Variants in IL18R1 observed in about 807,000 individuals in gnomAD.
IL18R1 encodes the protein interleukin 18 receptor 1, also known as interleukin-18 receptor 1.
In IL18R1, 40 loss-of-function variants were observed where a neutral mutation model predicts 48.5. That is an observed-to-expected ratio of 0.82 (90% CI 0.64 to 1.07). IL18R1 has a LOEUF of 1.07. IL18R1 is among the 50% of genes least tolerant of loss of function. The probability of loss-of-function intolerance (pLI) is 0.00; values close to 1 mark genes in which losing one functional copy is unlikely to be tolerated. For synonymous variants in IL18R1, 232 were observed against 225.9 expected, an observed-to-expected ratio of 1.03 and a Z score of -0.24; for missense variants, 596 against 633.7, an observed-to-expected ratio of 0.94 and a Z score of 0.64.
intron 8 of IL18R1, among the ~76,000 whole-genome samples, chr2:102,389,071 T>C (rs562272478): frequency 6.6e-6 from 1 of 152,272 alleles, no homozygotes; most frequent in Non-Finnish European, 1.5e-5. Context: ...AGGTTACACA[T>C]TTATATAAAT....
chr2:102,363,672 T>C (rs1193061691), intron 2 of IL18R1, among the ~76,000 whole-genome samples: 1 of 149,614 alleles, frequency 6.7e-6, no homozygotes, highest in Admixed American at 6.6e-5. Flanking sequence ...GAAACAGCCA[T>C]GCAGCCAGTT....
rs148603039 is a variant in IL18R1 at position 102,357,962 on chromosome 2, G to C, written c.-29+1562G>C. Among the ~76,000 whole-genome samples the C allele has an allele frequency of 1.3e-3, 203 of 152,020 alleles. 1 individual carries two copies. Among genetic ancestry groups the C allele is most frequent in the Non-Finnish European group, 2.1e-3 (142 of 67,980 alleles). ...GTTGTTTTATCATCTCACAGGCTGA[G>C]TAAAACGACTATGCATGGAACACTG... On this transcript the variant is annotated intron_variant, in intron 1 of 10. Coordinates refer to ENST00000233957, the MANE Select transcript of IL18R1 (RefSeq NM_003855.5).
chr2:102,397,372 G>A lies in IL18R1; in HGVS notation c.*486G>A, dbSNP rs1341438641. On this transcript the variant is annotated 3_prime_UTR_variant, in exon 11 of 11. Coordinates refer to ENST00000233957, the MANE Select transcript of IL18R1 (RefSeq NM_003855.5). Reference sequence around the variant, plus strand: ...AACACCATGGATCTGGTTGTGCATAGGATGTGGGAGGAGGGGCTGGCAGGG... The same window carrying A: ...AACACCATGGATCTGGTTGTGCATAAGATGTGGGAGGAGGGGCTGGCAGGG... 6.5e-6 allele frequency: 1 copy of A among 153,812 alleles called. No individual in the cohort carries two copies. The highest frequency in any genetic ancestry group is 1.9e-4 in the East Asian group (1 of 5,336). The allele number at this position is 153,812 out of a possible 1,614,324, so 9.5% of individuals were successfully genotyped here.
At position 102,397,590 on chromosome 2, in the gene IL18R1, A is replaced by C. The variant is rs180892435; in HGVS notation, c.*704A>C. On this transcript the variant is annotated 3_prime_UTR_variant, in exon 11 of 11. Coordinates refer to ENST00000233957, the MANE Select transcript of IL18R1 (RefSeq NM_003855.5). ...TCTTTCACAAGAGACACAAATTCTAATTGAGTTAATTATCTGGGCCTTTCA... is the reference window on the plus strand; with the variant it reads ...TCTTTCACAAGAGACACAAATTCTACTTGAGTTAATTATCTGGGCCTTTCA... 15 of 152,478 alleles carry C rather than the reference A, an allele frequency of 9.8e-5. No homozygotes were observed. The highest frequency in any genetic ancestry group is 3.6e-4 in the African/African-American group (15 of 41,580). The allele number at this position is 152,478 out of a possible 1,614,324, so 9.4% of individuals were successfully genotyped here. A position where few individuals can be genotyped will look rare whatever the true frequency, so the allele number is the denominator to read the frequency against.
In IL18R1 at chr2:102,386,883, G is replaced by A. The variant is rs749154243; in HGVS notation, c.832G>A (p.Ala278Thr). Reference sequence around the variant, plus strand: ...CAGGACTCCAGAAGGCAAATGGCATGCTTCAAAAGTATTGAGAATTGAAAA... The same window carrying A: ...CAGGACTCCAGAAGGCAAATGGCATACTTCAAAAGTATTGAGAATTGAAAA... ...RIMTPEGKWH[A>T]SKVLRIENIG... Residue 278 changes from alanine to threonine, a missense_variant, in exon 8 of 11, where the codon GCT becomes ACT. Transcript: ENST00000233957. 4 of 1,614,156 alleles carry A rather than the reference G, an allele frequency of 2.5e-6. No homozygotes were observed. Among genetic ancestry groups the A allele is most frequent in the Admixed American group, 3.3e-5 (2 of 60,026 alleles).
At chr2:102,389,770 A>G (rs1459395509) in intron 8 of IL18R1, among the ~76,000 whole-genome samples, 1 of 152,210 alleles carries the variant, frequency 6.6e-6, no homozygotes, top group Non-Finnish European at 1.5e-5. Flanking sequence ...TTCACCCCAG[A>G]AATCTGATTT....
rs1034250096 is a variant in IL18R1, at chr2:102,355,929, A to T, written c.-500A>T. The T allele has an allele frequency of 1.3e-5, 2 of 152,194 alleles. No individual in the cohort carries two copies. The highest frequency in any genetic ancestry group is 3.9e-4 in the East Asian group (2 of 5,138). The allele number at this position is 152,194 out of a possible 1,614,324, so 9.4% of individuals were successfully genotyped here. ...GCGATCCAGTAGCTCCGGTAACTCC[A>T]CGCGGGGCGTCTGGGTGGAGGAGCC... On this transcript the variant is annotated 5_prime_UTR_variant, in exon 1 of 11. Transcript: ENST00000233957.
intron 8 of IL18R1, among the ~76,000 whole-genome samples, chr2:102,388,022 CAG>C (rs746478564): frequency 6.6e-6 from 1 of 152,002 alleles, no homozygotes; most frequent in East Asian, 1.9e-4. Flanking sequence ...GTGAAACAGA[CAG>C]AGAGACAGAG....
At chr2:102,372,230 C>A in intron 4 of IL18R1, 112 bp downstream of exon 4, 1 of 805,922 alleles carries the variant, frequency 1.2e-6, no homozygotes, top group East Asian at 2.9e-5. Context: ...TGCCTGATCC[C>A]ACATGGCTCA....
intron 2 of IL18R1, among the ~76,000 whole-genome samples, chr2:102,363,451 C>A (rs540819930): frequency 9.2e-5 from 14 of 152,086 alleles, no homozygotes; most frequent in African/African-American, 3.1e-4. Context: ...TATTTACTTA[C>A]GTGAATCCAT....
At chr2:102,387,101 C>G (rs1680277878) in intron 8 of IL18R1, 101 bp downstream of exon 8, 5 of 1,261,408 alleles carry the variant, frequency 4.0e-6, no homozygotes, top group Admixed American at 4.2e-5. Flanking sequence ...CAGAACCCAG[C>G]TCCTGAGAGG....
In IL18R1 at chr2:102,394,454, A is replaced by G; in HGVS notation, c.1112-15A>G. On this transcript the variant is annotated splice_polypyrimidine_tract_variant and intron_variant, in intron 9 of 10. Transcript: ENST00000233957. Reference sequence around the variant, plus strand: ...TATTTACACATGAATTAAAAGAGCCAATCTTACCTCCTAGATGGAAAAACA... The same window carrying G: ...TATTTACACATGAATTAAAAGAGCCGATCTTACCTCCTAGATGGAAAAACA... 1.9e-6 allele frequency: 3 copies of G among 1,587,850 alleles called. No individual in the cohort carries two copies. The highest frequency in any genetic ancestry group is 2.6e-6 in the Non-Finnish European group (3 of 1,165,280).
intron 1 of IL18R1, among the ~76,000 whole-genome samples, chr2:102,358,744 G>A (rs995584906): frequency 1.3e-5 from 2 of 152,130 alleles, no homozygotes; most frequent in Non-Finnish European, 1.5e-5. Flanking sequence ...TTGGGTGAGA[G>A]CTGGTGGCCT....
At position 102,385,002 on chromosome 2, in the gene IL18R1, T is replaced by C; in HGVS notation, c.809+4T>C. ...AAGAGAAAGAAATGAGAATTATGTA[T>C]GTATGTGTAATATATATGTCATGAT... On this transcript the variant is annotated splice_donor_region_variant and intron_variant, in intron 7 of 10. Transcript: ENST00000233957. The C allele has an allele frequency of 1.3e-6, 2 of 1,486,624 alleles. No individual in the cohort carries two copies. Among genetic ancestry groups the C allele is most frequent in the Admixed American group, 1.7e-5 (1 of 59,274 alleles). The allele number at this position is 1,486,624 out of a possible 1,614,324, so 92.1% of individuals were successfully genotyped here. A position where few individuals can be genotyped will look rare whatever the true frequency, so the allele number is the denominator to read the frequency against.
At chr2:102,360,555 G>T (rs11465562) in intron 1 of IL18R1, among the ~76,000 whole-genome samples, 79 of 152,258 alleles carry the variant, frequency 5.2e-4, no homozygotes, top group African/African-American at 1.9e-3. Flanking sequence ...GAGCCACTGT[G>T]CCCGGCCAAA....
intron 4 of IL18R1, among the ~76,000 whole-genome samples, chr2:102,372,909 A>G (rs1247425485): frequency 2.0e-5 from 3 of 152,206 alleles, no homozygotes; most frequent in Non-Finnish European, 4.4e-5. Flanking sequence ...CTAAATGTAG[A>G]ATTACTGGAT....
At chr2:102,394,409 T>C (rs916054023) in intron 9 of IL18R1, 60 bp from the exon 10 acceptor site, 10 of 1,368,294 alleles carry the variant, frequency 7.3e-6, no homozygotes, top group Non-Finnish European at 1.0e-5. Context: ...TTCACTTAAG[T>C]TTGTACTTAA....
chr2:102,389,157 T>G, intron 8 of IL18R1, among the ~76,000 whole-genome samples: 1 of 152,140 alleles, frequency 6.6e-6, no homozygotes. Context: ...GCAATCAATC[T>G]AAATATTAGG....
intron 1 of IL18R1, among the ~76,000 whole-genome samples, chr2:102,360,582 C>T (rs1678518043): frequency 6.6e-6 from 1 of 152,092 alleles, no homozygotes; most frequent in African/African-American, 2.4e-5. Flanking sequence ...AATTATGTGA[C>T]AACATTTATA....
Sources: gnomAD v4.1 joint callset for allele counts (sites outside exome capture counted in the v4.1 genomes callset) on GRCh38, gnomAD v4.1.1 for gene constraint, MANE v1.5 for transcripts, NCBI Gene and HGNC (gene_info 2026-07-23, HGNC 2026-07-21) for gene names.